STRN: variants seen among roughly 807,000 people sequenced by gnomAD.
STRN encodes protein phosphatase 2 regulatory subunit B'''alpha.
STRN carries 53 observed loss-of-function variants against 96.3 expected under a neutral mutation model. The observed-to-expected ratio is 0.55, with a 90% confidence interval of 0.44 to 0.69. The LOEUF (loss-of-function observed/expected upper bound fraction) is 0.69, where lower values mean the gene tolerates loss of function less well. Ranked by LOEUF, STRN falls within the 30% of genes least tolerant of loss-of-function variation. The pLI is 0.00. For synonymous variants in STRN, 428 were observed against 355.9 expected, an observed-to-expected ratio of 1.20 and a Z score of -2.28; for missense variants, 987 against 963.9, an observed-to-expected ratio of 1.02 and a Z score of -0.32.
intron 2 of STRN, among the ~76,000 whole-genome samples, chr2:36,920,393 C>A (rs999871581): frequency 6.6e-6 from 1 of 152,124 alleles, no homozygotes; most frequent in Non-Finnish European, 1.5e-5. Context: ...AATCCCAACA[C>A]TTTGGGAGGC....
At chr2:36,870,709 T>A (rs1372934562) in intron 10 of STRN, among the ~76,000 whole-genome samples, 1 of 152,204 alleles carries the variant, frequency 6.6e-6, no homozygotes, top group African/African-American at 2.4e-5. Flanking sequence ...TAAACTGCTG[T>A]TACTGGTTTA....
At position 36,958,895 on chromosome 2, in the gene STRN, G is replaced by T. The variant is rs186311259; in HGVS notation, c.234+7335C>A. ...CAACACTTGGGAGGCTGAGGCGGGC[G>T]GATCACGAGGTCAGATAGAGACCAT... On this transcript the variant is annotated intron_variant, in intron 1 of 17. Coordinates refer to ENST00000263918, the MANE Select transcript of STRN (RefSeq NM_003162.4). Among the ~76,000 whole-genome samples, 8 of 152,260 alleles carry T rather than the reference G, an allele frequency of 5.3e-5. No individual in the cohort carries two copies. The East Asian group carries it at 1.5e-3, about 29-fold the overall frequency.
chr2:36,902,589 C>A lies in STRN; in HGVS notation c.654G>T (p.Met218Ile). 6.3e-7 allele frequency: 1 copy of A among 1,598,210 alleles called. No homozygotes were observed. Among genetic ancestry groups the A allele is most frequent in the Non-Finnish European group, 8.5e-7 (1 of 1,170,900 alleles). ...TTTCCAGACAAAATACTTACGCAATCATTGCTGTCTCTTTAACTTCAGCCT... is the reference window on the plus strand; with the variant it reads ...TTTCCAGACAAAATACTTACGCAATAATTGCTGTCTCTTTAACTTCAGCCT... The part of the protein sequence containing the change: ...GTEAEVKETA[M>I]IAKSELTDSA... Residue 218 changes from methionine (M) to isoleucine (I), a missense_variant, in exon 5 of 18, where the codon ATG becomes ATT. Coordinates refer to ENST00000263918, the MANE Select transcript of STRN (RefSeq NM_003162.4).
chr2:36,913,792 T>G (rs1013369746), intron 3 of STRN, among the ~76,000 whole-genome samples: 1 of 152,206 alleles, frequency 6.6e-6, no homozygotes, highest in Admixed American at 6.5e-5. Context: ...TATTGTACAC[T>G]AAGAAAATAA....
chr2:36,950,608 T>C (rs889786351), intron 1 of STRN, among the ~76,000 whole-genome samples: 1 of 152,186 alleles, frequency 6.6e-6, no homozygotes, highest in Non-Finnish European at 1.5e-5. Context: ...ATATGCCCCA[T>C]GTGAGCCAAG....
Position 36,902,679 on chromosome 2 carries a change from G to A in STRN, c.564C>T (p.Gly188=). The A allele has an allele frequency of 6.2e-7, 1 of 1,612,016 alleles. No homozygotes were observed. The highest frequency in any genetic ancestry group is 8.5e-7 in the Non-Finnish European group (1 of 1,178,586). The change falls in exon 5 of 18, where the codon GGC becomes GGT. Residue 188 remains glycine (G), a synonymous_variant. Transcript: ENST00000263918. ...CCCTGTCCGTGACATCACTTGAAAAGCCCAACAAAGCTCGCACTCGTTTAG... is the reference window on the plus strand; with the variant it reads ...CCCTGTCCGTGACATCACTTGAAAAACCCAACAAAGCTCGCACTCGTTTAG... ...VKSKRVRALL[G]FSSDVTDRED...
chr2:36,934,195 T>C (rs1357074645), intron 1 of STRN, among the ~76,000 whole-genome samples: 2 of 152,028 alleles, frequency 1.3e-5, no homozygotes, highest in South Asian at 2.1e-4. Flanking sequence ...ACTAAGAAAA[T>C]GGCAGCTCTT....
chr2:36,883,784 T>G, intron 9 of STRN, 148 bp downstream of exon 9: 1 of 765,572 alleles, frequency 1.3e-6, no homozygotes, highest in East Asian at 3.4e-5. Flanking sequence ...CTCCCTTGAA[T>G]GTAAGAAAGC....
intron 1 of STRN, among the ~76,000 whole-genome samples, chr2:36,961,984 A>T (rs1432914688): frequency 1.3e-5 from 2 of 152,154 alleles, no homozygotes; most frequent in African/African-American, 4.8e-5. Context: ...CTCGAATGGC[A>T]TCTTATCAGT....
chr2:36,884,451 G>A (rs1356218393), intron 8 of STRN, among the ~76,000 whole-genome samples: 1 of 152,148 alleles, frequency 6.6e-6, no homozygotes, highest in Non-Finnish European at 1.5e-5. Context: ...AAATTAAGTT[G>A]CATTAATTGC....
At chr2:36,850,957 T>TC (rs766133889) in intron 16 of STRN, 43 bp downstream of exon 16, 2 of 1,516,510 alleles carry the variant, frequency 1.3e-6, no homozygotes, top group South Asian at 1.2e-5. Context: ...TAGGGATTTT[T>TC]TTTTTTTGCT....
intron 7 of STRN, among the ~76,000 whole-genome samples, chr2:36,890,107 C>A (rs999153755): frequency 2.0e-5 from 3 of 152,196 alleles, no homozygotes; most frequent in African/African-American, 7.2e-5. Flanking sequence ...CAGAGAAAGA[C>A]CTCAGTGTGG....
chr2:36,879,942 C>A (rs908476982), intron 9 of STRN, among the ~76,000 whole-genome samples: 2 of 150,528 alleles, frequency 1.3e-5, no homozygotes, highest in Non-Finnish European at 3.0e-5. Context: ...CCAGCCTGGG[C>A]GACAGGGCAA....
At chr2:36,874,510 A>C (rs1668849753) in intron 10 of STRN, among the ~76,000 whole-genome samples, 1 of 152,170 alleles carries the variant, frequency 6.6e-6, no homozygotes, top group African/African-American at 2.4e-5. Flanking sequence ...AGAACTTCAC[A>C]AAAGTGATGA....
At chr2:36,916,442 G>A (rs1035158733) in intron 2 of STRN, among the ~76,000 whole-genome samples, 2 of 150,346 alleles carry the variant, frequency 1.3e-5, no homozygotes, top group Non-Finnish European at 2.9e-5. Context: ...GGTTTCTGTA[G>A]TATTCAAATT....
chr2:36,894,143 C>G, intron 6 of STRN, 110 bp from the exon 7 acceptor site: 2 of 1,209,150 alleles, frequency 1.7e-6, no homozygotes, highest in East Asian at 2.5e-5. Flanking sequence ...TGTTAAATAA[C>G]TGTACTACCT....
intron 1 of STRN, among the ~76,000 whole-genome samples, chr2:36,956,144 T>G (rs1288170725): frequency 6.6e-6 from 1 of 152,198 alleles, no homozygotes; most frequent in East Asian, 1.9e-4. Flanking sequence ...GTAGCTACTA[T>G]GATAAACGGA....
chr2:36,867,615 T>G, intron 12 of STRN, 199 bp downstream of exon 12: 2 of 374,720 alleles, frequency 5.3e-6, no homozygotes, highest in African/African-American at 2.1e-5. Flanking sequence ...ACCATGTAAA[T>G]AAAATCTAAT....
chr2:36,964,224 G>A (rs1012939375), intron 1 of STRN, among the ~76,000 whole-genome samples: 1 of 149,732 alleles, frequency 6.7e-6, no homozygotes, highest in Non-Finnish European at 1.5e-5. Flanking sequence ...ACTTCTACAG[G>A]TAGAAAGGTA....
Sources: gnomAD v4.1 joint callset for allele counts (sites outside exome capture counted in the v4.1 genomes callset) on GRCh38, gnomAD v4.1.1 for gene constraint, MANE v1.5 for transcripts, NCBI Gene and HGNC (gene_info 2026-07-23, HGNC 2026-07-21) for gene names.